Variants in NEK10 observed in about 807,000 individuals in gnomAD.
The protein encoded by NEK10 is NIMA related kinase 10.
NEK10 carries 122 observed loss-of-function variants against 159.8 expected under a neutral mutation model. The observed-to-expected ratio is 0.76, with a 90% CI of 0.66 to 0.89. The LOEUF (loss-of-function observed/expected upper bound fraction) is 0.89. NEK10 is among the 40% of genes least tolerant of loss of function. The probability of loss-of-function intolerance (pLI) is 0.00; values close to 1 mark genes in which losing one functional copy is unlikely to be tolerated. For missense variants in NEK10, 1,342 were observed against 1,323.1 expected, an observed-to-expected ratio of 1.01 and a Z score of -0.22; for synonymous variants, 466 against 457.1, an observed-to-expected ratio of 1.02 and a Z score of -0.25.
At chr3:27,216,028 G>A in intron 23 of NEK10, 1 of 468,134 alleles carries the variant, frequency 2.1e-6, no homozygotes, top group Non-Finnish European at 3.8e-6. Flanking sequence ...TGGGGACAAA[G>A]ATCCAAACCA....
intron 14 of NEK10, among the ~76,000 whole-genome samples, chr3:27,296,306 T>C (rs898807050): frequency 6.6e-6 from 1 of 152,202 alleles, no homozygotes; most frequent in Non-Finnish European, 1.5e-5. Flanking sequence ...TCTGTGAAAT[T>C]AGTCTATAAT....
At chr3:27,192,642 G>A (rs1390766205) in intron 25 of NEK10, among the ~76,000 whole-genome samples, 1 of 151,344 alleles carries the variant, frequency 6.6e-6, no homozygotes, top group Non-Finnish European at 1.5e-5. Flanking sequence ...TCATTAGTGT[G>A]GATATTCTAA....
chr3:27,142,589 T>C (rs1364158628), intron 30 of NEK10, among the ~76,000 whole-genome samples: 3 of 152,120 alleles, frequency 2.0e-5, no homozygotes, highest in East Asian at 3.9e-4. Context: ...AAGTTAAACA[T>C]GAATATAGTT....
chr3:27,254,922 C>CAG (rs1956027252), intron 23 of NEK10, among the ~76,000 whole-genome samples: 1 of 145,350 alleles, frequency 6.9e-6, no homozygotes, highest in South Asian at 2.2e-4. Context: ...TTCTCTTACA[C>CAG]ACACACACAC....
At chr3:27,112,694 T>C (rs547055547) in intron 35 of NEK10, among the ~76,000 whole-genome samples, 1 of 152,222 alleles carries the variant, frequency 6.6e-6, no homozygotes, top group Non-Finnish European at 1.5e-5. Context: ...AATATAGTAA[T>C]AGGTGTCAAC....
intron 35 of NEK10, among the ~76,000 whole-genome samples, chr3:27,113,688 C>A (rs1044887482): frequency 6.6e-6 from 1 of 152,012 alleles, no homozygotes. Context: ...TTTGCAATGT[C>A]TTTTAATAAA....
At chr3:27,171,140 A>G (rs1249306650) in intron 29 of NEK10, among the ~76,000 whole-genome samples, 2 of 152,230 alleles carry the variant, frequency 1.3e-5, no homozygotes, top group African/African-American at 4.8e-5. Context: ...AGTGAAGGTC[A>G]GGAGAACTTG....
chr3:27,218,954 C>T (rs1951825886), intron 23 of NEK10, among the ~76,000 whole-genome samples: 1 of 152,196 alleles, frequency 6.6e-6, no homozygotes, highest in Non-Finnish European at 1.5e-5. Context: ...TCTTGAAAAA[C>T]ACACATATAC....
rs539123528 is a variant in NEK10, at chr3:27,270,175, T to C, written c.2015-13804A>G. 5.9e-5 allele frequency among the ~76,000 whole-genome samples: 9 copies of C among 152,314 alleles called. No homozygotes were observed. In the South Asian group the frequency reaches 1.9e-3, roughly 32 times the overall value. ...ACTACAGCTTCCAATTGTGTTGTGCTCTCTCTTGCTCACTGACTCTCTCTC... is the reference window on the plus strand; with the variant it reads ...ACTACAGCTTCCAATTGTGTTGTGCCCTCTCTTGCTCACTGACTCTCTCTC... On this transcript the variant is annotated intron_variant, in intron 22 of 35. Transcript: ENST00000691995.
chr3:27,226,058 G>T (rs1286731268), intron 23 of NEK10, among the ~76,000 whole-genome samples: 2 of 151,914 alleles, frequency 1.3e-5, no homozygotes, highest in African/African-American at 4.8e-5. Flanking sequence ...TTGAGACGGA[G>T]TCTCGCTCTG....
intron 22 of NEK10, among the ~76,000 whole-genome samples, chr3:27,284,239 G>C (rs917915098): frequency 5.3e-5 from 8 of 152,042 alleles, no homozygotes; most frequent in African/African-American, 1.9e-4. Flanking sequence ...TACAAAATTA[G>C]GTGGGCATGG....
chr3:27,134,330 T>C (rs902246460), intron 31 of NEK10, among the ~76,000 whole-genome samples: 3 of 152,164 alleles, frequency 2.0e-5, no homozygotes, highest in Non-Finnish European at 2.9e-5. Context: ...TTCCCTTTTG[T>C]AATGCACCAA....
At position 27,179,780 on chromosome 3, in the gene NEK10, AT is replaced by A. The variant is rs1422218719; in HGVS notation, c.2506-4948del. On this transcript the variant is annotated intron_variant, in intron 26 of 35. Transcript: ENST00000691995. ...CCAGGATCAGGTAATTCTATTTAAC[AT>A]TTAAAAGAAACAATGGGGGCTGGGC... is the stretch of plus-strand genomic sequence containing the variant. Among the ~76,000 whole-genome samples the A allele has an allele frequency of 6.6e-5, 10 of 152,314 alleles. No homozygotes were observed. In the East Asian group the frequency reaches 1.9e-3, roughly 29 times the overall value.
rs1364046003 is a variant in NEK10 at position 27,107,393 on chromosome 3, C to T, written c.*3879G>A. On this transcript the variant is annotated 3_prime_UTR_variant, in exon 36 of 36. Transcript: ENST00000691995. ...ACATAAGAATTCCTTTATCACAAAG[C>T]TGTTTCCCTGAGAAATTTGTGTCTT... Among the ~76,000 whole-genome samples, 2 of 152,094 alleles carry T rather than the reference C, an allele frequency of 1.3e-5. No individual in the cohort carries two copies. The highest frequency in any genetic ancestry group is 1.5e-5 in the Non-Finnish European group (1 of 68,002).
intron 20 of NEK10, among the ~76,000 whole-genome samples, chr3:27,285,461 CAATGA>C (rs2042511863): frequency 6.7e-6 from 1 of 149,080 alleles, no homozygotes; most frequent in Non-Finnish European, 1.5e-5. Flanking sequence ...CATGGTCTTG[CAATGA>C]CACAGTTGAA....
At chr3:27,348,333 G>A (rs1575861727) in intron 3 of NEK10, among the ~76,000 whole-genome samples, 3 of 152,190 alleles carry the variant, frequency 2.0e-5, no homozygotes, top group Non-Finnish European at 2.9e-5. Flanking sequence ...GAAAGCTGCC[G>A]CAGCTTGCAG....
At chr3:27,324,891 C>T (rs192949030) in intron 5 of NEK10, among the ~76,000 whole-genome samples, 24 of 152,318 alleles carry the variant, frequency 1.6e-4, no homozygotes, top group Non-Finnish European at 3.1e-4. Flanking sequence ...TTGTTCACTC[C>T]CTCCCAGTCA....
chr3:27,345,198 C>A (rs144958236), intron 4 of NEK10, among the ~76,000 whole-genome samples: 18 of 152,142 alleles, frequency 1.2e-4, no homozygotes, highest in Admixed American at 6.6e-5. Flanking sequence ...TGTTGCCATG[C>A]GTAATGTTCT....
chr3:27,238,737 C>T (rs1217998563), intron 23 of NEK10, among the ~76,000 whole-genome samples: 1 of 144,692 alleles, frequency 6.9e-6, no homozygotes, highest in East Asian at 2.1e-4. Context: ...TCTAACCAAC[C>T]TCCCCTTTCG....
Sources: allele counts gnomAD v4.1 joint callset (sites outside exome capture counted in the v4.1 genomes callset), GRCh38; gene constraint gnomAD v4.1.1; transcripts MANE v1.5; gene names NCBI Gene and HGNC (gene_info 2026-07-23, HGNC 2026-07-21).